The following UBE2K variants were observed in gnomAD, a reference collection of about 807,000 sequenced individuals.
UBE2K encodes ubiquitin-conjugating enzyme E2 K.
A neutral mutation model predicts 30.0 loss-of-function variants in UBE2K; 6 were observed. The observed-to-expected ratio is 0.20, with a 90% confidence interval of 0.11 to 0.39. The LOEUF (loss-of-function observed/expected upper bound fraction) is 0.39. UBE2K is among the 10% of genes least tolerant of loss of function. The probability of loss-of-function intolerance (pLI) is 1.00; values close to 1 mark genes in which losing one functional copy is unlikely to be tolerated. For synonymous variants in UBE2K, 86 were observed against 83.7 expected (o/e 1.03, Z -0.15); for missense variants, 61 against 241.6 (o/e 0.25, Z 4.96).
chr4:39,703,287 G>C (rs1718139361), intron 1 of UBE2K, among the ~76,000 whole-genome samples: 1 of 152,044 alleles, frequency 6.6e-6, no homozygotes, highest in Admixed American at 6.6e-5. Context: ...AGGAGGCTGA[G>C]ACTCGATTGA....
intron 4 of UBE2K, among the ~76,000 whole-genome samples, chr4:39,773,374 A>G (rs1713049078): frequency 6.6e-6 from 1 of 152,034 alleles, no homozygotes; most frequent in Non-Finnish European, 1.5e-5. Flanking sequence ...AGGCTGAGGC[A>G]GGAGAATTGC....
intron 4 of UBE2K, chr4:39,771,023 G>A (rs1578505553): frequency 7.4e-6 from 12 of 1,611,812 alleles, no homozygotes; most frequent in East Asian, 4.5e-5. Flanking sequence ...CTAGCCTCAC[G>A]GACCCCATCC....
chr4:39,748,817 A>G (rs1265831565), intron 3 of UBE2K, among the ~76,000 whole-genome samples: 1 of 152,132 alleles, frequency 6.6e-6, no homozygotes, highest in African/African-American at 2.4e-5. Context: ...TTTTTAAATA[A>G]CAAAAAAAAA....
At chr4:39,743,362 G>A (rs1009298038) in intron 2 of UBE2K, among the ~76,000 whole-genome samples, 1 of 152,160 alleles carries the variant, frequency 6.6e-6, no homozygotes, top group African/African-American at 2.4e-5. Context: ...CCAGCTCTTT[G>A]GGAGGCCGAG....
At chr4:39,729,660 G>T (rs991808353) in intron 1 of UBE2K, among the ~76,000 whole-genome samples, 27 of 151,858 alleles carry the variant, frequency 1.8e-4, no homozygotes, top group African/African-American at 6.0e-4. Context: ...ATCTCTAAGA[G>T]ACCCAGATCT....
chr4:39,723,604 C>A (rs75216856), intron 1 of UBE2K, among the ~76,000 whole-genome samples: 19,628 of 151,820 alleles, frequency 0.13, 1,369 homozygotes, highest in East Asian at 0.22. Flanking sequence ...TCCTGACCTC[C>A]TGATCCGCCT....
intron 1 of UBE2K, among the ~76,000 whole-genome samples, chr4:39,711,673 A>G (rs1430720105): frequency 6.6e-6 from 1 of 151,830 alleles, no homozygotes; most frequent in East Asian, 1.9e-4. Context: ...ACCTGAGCGT[A>G]TTTTCAGCTT....
chr4:39,755,737 A>G lies in UBE2K; in HGVS notation c.297A>G (p.Gln99=). The G allele has an allele frequency of 6.3e-7, 1 of 1,591,278 alleles. No individual in the cohort carries two copies. Residue 99 remains glutamine, a splice_region_variant and synonymous_variant, in exon 4 of 7, where the codon CAA becomes CAG. Coordinates refer to ENST00000261427, the MANE Select transcript of UBE2K (RefSeq NM_005339.5). ...GAICLDILKD[Q]WAAAMTLRTV... Reference sequence around the variant, plus strand: ...TTTGTTTGGATATCCTGAAAGATCAATGGTAAGAGATTTTGAATTCACCTT... The same window carrying G: ...TTTGTTTGGATATCCTGAAAGATCAGTGGTAAGAGATTTTGAATTCACCTT...
At chr4:39,734,956 A>G (rs1184654527) in intron 1 of UBE2K, among the ~76,000 whole-genome samples, 1 of 152,250 alleles carries the variant, frequency 6.6e-6, no homozygotes. Flanking sequence ...TTTCCCAAAA[A>G]ACTTTAATCA....
intron 2 of UBE2K, among the ~76,000 whole-genome samples, chr4:39,738,891 T>G (rs1275840995): frequency 1.3e-5 from 2 of 152,144 alleles, no homozygotes; most frequent in African/African-American, 4.8e-5. Context: ...GCCAGGCTGG[T>G]CTTGAACTTC....
intron 1 of UBE2K, among the ~76,000 whole-genome samples, chr4:39,714,672 G>A (rs1429250759): frequency 3.4e-5 from 5 of 148,758 alleles, no homozygotes; most frequent in East Asian, 4.0e-4. Context: ...TCAGCCTCCC[G>A]AGTAGCTGGG....
chr4:39,714,650 G>A (rs1431781560), intron 1 of UBE2K, among the ~76,000 whole-genome samples: 2 of 147,108 alleles, frequency 1.4e-5, no homozygotes, highest in East Asian at 2.0e-4. Flanking sequence ...TGGTTCAAGT[G>A]ATTCTCCTGC....
intron 3 of UBE2K, among the ~76,000 whole-genome samples, chr4:39,753,361 A>AG (rs1721368921): frequency 6.6e-6 from 1 of 152,058 alleles, no homozygotes; most frequent in South Asian, 2.1e-4. Flanking sequence ...GGGGGAAAAA[A>AG]GGGAGAAATG....
At chr4:39,739,995 G>C (rs993096651) in intron 2 of UBE2K, among the ~76,000 whole-genome samples, 2 of 152,024 alleles carry the variant, frequency 1.3e-5, no homozygotes, top group Non-Finnish European at 2.9e-5. Flanking sequence ...CTTCCTATCT[G>C]CTTGGCTTGG....
chr4:39,720,082 T>G (rs767069642), intron 1 of UBE2K, among the ~76,000 whole-genome samples: 1 of 152,238 alleles, frequency 6.6e-6, no homozygotes, highest in South Asian at 2.1e-4. Flanking sequence ...AAGCAGGAGA[T>G]ACTTGTTTTC....
At chr4:39,757,803 A>G (rs1325683912) in intron 4 of UBE2K, among the ~76,000 whole-genome samples, 2 of 152,210 alleles carry the variant, frequency 1.3e-5, no homozygotes, top group East Asian at 3.8e-4. Context: ...GGCTTCTAGG[A>G]CATTAGATTT....
chr4:39,721,571 G>A (rs965584393), intron 1 of UBE2K, among the ~76,000 whole-genome samples: 4 of 152,020 alleles, frequency 2.6e-5, no homozygotes, highest in Non-Finnish European at 5.9e-5. Context: ...TGCCCAGGCT[G>A]GTCTTGAACT....
intron 1 of UBE2K, among the ~76,000 whole-genome samples, chr4:39,715,426 C>G (rs951525914): frequency 1.3e-5 from 2 of 152,186 alleles, no homozygotes; most frequent in Admixed American, 1.3e-4. Flanking sequence ...CCCAACTCAG[C>G]CTCCCAAAGT....
At chr4:39,733,575 C>T (rs1720195255) in intron 1 of UBE2K, among the ~76,000 whole-genome samples, 1 of 152,074 alleles carries the variant, frequency 6.6e-6, no homozygotes, top group Non-Finnish European at 1.5e-5. Flanking sequence ...TCAAATGATC[C>T]ACCCGCCTTG....
Sources: gnomAD v4.1 joint callset for allele counts (sites outside exome capture counted in the v4.1 genomes callset) on GRCh38, gnomAD v4.1.1 for gene constraint, MANE v1.5 for transcripts, NCBI Gene and HGNC (gene_info 2026-07-23, HGNC 2026-07-21) for gene names.